The following VRK2 variants were observed in gnomAD, a reference collection of about 807,000 sequenced individuals.
VRK2 encodes VRK serine/threonine kinase 2.
VRK2 carries 60 observed loss-of-function variants against 57.6 expected under a neutral mutation model. The ratio of observed to expected loss-of-function variants is 1.04; its 90% CI spans 0.85 to 1.29. VRK2 has a LOEUF of 1.29. Among genes scored for constraint, VRK2 ranks in the 50% most tolerant of loss-of-function variants. The probability of loss-of-function intolerance (pLI) is 0.00; values close to 1 mark genes in which losing one functional copy is unlikely to be tolerated. For synonymous variants in VRK2, 231 were observed against 199.2 expected (o/e 1.16, Z -1.35); for missense variants, 705 against 588.1 (o/e 1.20, Z -2.06).
chr2:57,932,816 G>A (rs568722388), intron 1 of VRK2, among the ~76,000 whole-genome samples: 3 of 151,928 alleles, frequency 2.0e-5, no homozygotes, highest in African/African-American at 7.3e-5. Context: ...TCTTCATGTA[G>A]GCATTTAACG....
chr2:57,915,708 T>C (rs568354109), intron 1 of VRK2, among the ~76,000 whole-genome samples: 2 of 152,282 alleles, frequency 1.3e-5, no homozygotes, highest in South Asian at 4.1e-4. Flanking sequence ...CAAGCTGCAT[T>C]GACAGATCTT....
intron 1 of VRK2, among the ~76,000 whole-genome samples, chr2:57,963,559 C>T (rs748725733): frequency 2.6e-5 from 4 of 152,132 alleles, no homozygotes; most frequent in Non-Finnish European, 1.5e-5. Flanking sequence ...CCGTATGCTG[C>T]ATGCTTTTTG....
intron 1 of VRK2, among the ~76,000 whole-genome samples, chr2:57,953,250 C>G (rs535236097): frequency 1.3e-5 from 2 of 152,246 alleles, no homozygotes; most frequent in South Asian, 4.1e-4. Context: ...CTGATTTGTT[C>G]GAATTGATGC....
intron 12 of VRK2, chr2:58,154,742 CCTT>C: frequency 1.4e-6 from 1 of 717,250 alleles, no homozygotes; most frequent in Non-Finnish European, 2.6e-6. Flanking sequence ...TATTTTCTTC[CCTT>C]TTTTCCAGTT....
intron 8 of VRK2, among the ~76,000 whole-genome samples, chr2:58,123,541 A>C (rs1677851592): frequency 6.6e-6 from 1 of 152,170 alleles, no homozygotes; most frequent in Non-Finnish European, 1.5e-5. Context: ...GAATGTTTAT[A>C]CTGAAGTGAA....
intron 1 of VRK2, among the ~76,000 whole-genome samples, chr2:57,947,553 T>C (rs1671299711): frequency 6.6e-6 from 1 of 152,186 alleles, no homozygotes; most frequent in Admixed American, 6.5e-5. Context: ...ATTACTCATC[T>C]CCTGGGTTAC....
intron 6 of VRK2, among the ~76,000 whole-genome samples, chr2:58,088,804 A>G (rs1254496946): frequency 1.3e-5 from 2 of 152,184 alleles, no homozygotes; most frequent in Non-Finnish European, 2.9e-5. Context: ...CATTTTAAAC[A>G]TGTGATGGTA....
At chr2:58,136,906 TATATATATC>T (rs1159174990) in intron 10 of VRK2, among the ~76,000 whole-genome samples, 1,893 of 15,856 alleles carry the variant, frequency 0.12, 179 homozygotes, top group African/African-American at 0.32. Context: ...ATATATATCA[TATATATATC>T]ATATATGTGT....
intron 1 of VRK2, among the ~76,000 whole-genome samples, chr2:58,015,540 C>A (rs1673554744): frequency 6.6e-6 from 1 of 152,166 alleles, no homozygotes; most frequent in South Asian, 2.1e-4. Context: ...GGCAATCACT[C>A]AATAAGCAAG....
At chr2:58,092,399 A>G (rs776469551) in intron 7 of VRK2, among the ~76,000 whole-genome samples, 20 of 152,122 alleles carry the variant, frequency 1.3e-4, no homozygotes, top group Non-Finnish European at 2.1e-4. Context: ...AAACTGCTAC[A>G]ATTTCTGTTC....
chr2:57,912,697 C>A (rs1558489013), intron 1 of VRK2, among the ~76,000 whole-genome samples: 1 of 152,180 alleles, frequency 6.6e-6, no homozygotes, highest in South Asian at 2.1e-4. Flanking sequence ...TTCTGGCAGC[C>A]AAATAGCTTC....
intron 1 of VRK2, among the ~76,000 whole-genome samples, chr2:57,961,423 T>G (rs1671754993): frequency 6.6e-6 from 1 of 152,062 alleles, no homozygotes; most frequent in South Asian, 2.1e-4. Flanking sequence ...AGACAATAAG[T>G]CACAGATATA....
At chr2:58,085,902 T>G (rs189686409) in intron 4 of VRK2, among the ~76,000 whole-genome samples, 29 of 151,048 alleles carry the variant, frequency 1.9e-4, no homozygotes, top group African/African-American at 7.0e-4. Flanking sequence ...GTAAGATGGT[T>G]TTTCTGCCCA....
At chr2:58,047,554 A>T (rs1171933338) in intron 1 of VRK2, 2 of 672,438 alleles carry the variant, frequency 3.0e-6, no homozygotes, top group Non-Finnish European at 3.7e-6. Context: ...TTTTATAATT[A>T]TTTAGAATTT....
chr2:57,934,764 CTTTT>C (rs908506880), intron 1 of VRK2, among the ~76,000 whole-genome samples: 4 of 151,862 alleles, frequency 2.6e-5, no homozygotes, highest in African/African-American at 9.7e-5. Context: ...CCTTCTCATT[CTTTT>C]TTTTCTTTTT....
At chr2:58,145,542 T>A (rs73944823) in intron 11 of VRK2, among the ~76,000 whole-genome samples, 3,863 of 152,106 alleles carry the variant, frequency 0.025, 168 homozygotes, top group African/African-American at 0.089. Flanking sequence ...ATGTGACAAT[T>A]TTCTCTAAAA....
chr2:57,965,502 T>TA (rs769882951), intron 1 of VRK2, among the ~76,000 whole-genome samples: 1 of 152,206 alleles, frequency 6.6e-6, no homozygotes, highest in Non-Finnish European at 1.5e-5. Context: ...CCTCACTTAT[T>TA]ACCATCAGTC....
intron 1 of VRK2, among the ~76,000 whole-genome samples, chr2:58,002,293 A>C (rs7573056): frequency 0.35 from 53,767 of 152,024 alleles, 11,060 homozygotes; most frequent in East Asian, 0.55. Flanking sequence ...CCTGGCTAAC[A>C]TTGTGAAACC....
At chr2:58,039,895 T>G (rs1467990224) in intron 3 of VRK2, among the ~76,000 whole-genome samples, 2 of 151,472 alleles carry the variant, frequency 1.3e-5, no homozygotes, top group Non-Finnish European at 2.9e-5. Flanking sequence ...TGTATTTTAT[T>G]TTTATTTATT....
Sources: allele counts gnomAD v4.1 joint callset (sites outside exome capture counted in the v4.1 genomes callset), GRCh38; gene constraint gnomAD v4.1.1; transcripts MANE v1.5; gene names NCBI Gene and HGNC (gene_info 2026-07-23, HGNC 2026-07-21).